Variants in LCP1 observed in about 807,000 individuals in gnomAD.
The protein encoded by LCP1 is plastin-2.
A neutral mutation model predicts 72.0 loss-of-function variants in LCP1; 23 were observed. That is an observed-to-expected ratio of 0.32 (90% CI 0.23 to 0.45). The LOEUF (loss-of-function observed/expected upper bound fraction) is 0.45, where lower values mean the gene tolerates loss of function less well. Ranked by LOEUF, LCP1 falls within the 20% of genes least tolerant of loss-of-function variation. The probability of loss-of-function intolerance (pLI) is 1.00; values close to 1 mark genes in which losing one functional copy is unlikely to be tolerated. For missense variants in LCP1, 571 were observed against 748.3 expected (o/e 0.76, Z 2.76); for synonymous variants, 245 against 275.4 (o/e 0.89, Z 1.09).
intron 10 of LCP1, among the ~76,000 whole-genome samples, chr13:46,145,716 C>T (rs1297549113): frequency 2.5e-5 from 2 of 80,336 alleles, no homozygotes; most frequent in South Asian, 2.3e-4. Context: ...GAGACCATCC[C>T]GGCTAAAATG....
At chr13:46,150,031 C>T (rs17601737) in intron 8 of LCP1, among the ~76,000 whole-genome samples, 53,233 of 152,084 alleles carry the variant, frequency 0.35, 10,601 homozygotes, top group East Asian at 0.58. Context: ...GCCTGACACA[C>T]GCTGAGTTCT....
intron 4 of LCP1, among the ~76,000 whole-genome samples, 174 bp from the exon 5 acceptor site, chr13:46,156,744 T>C (rs1260489193): frequency 1.3e-5 from 2 of 152,178 alleles, no homozygotes; most frequent in East Asian, 3.8e-4. Context: ...ACTTGGGAAA[T>C]AGGCATTGAG....
At chr13:46,131,659 G>T (rs533088346) in intron 14 of LCP1, among the ~76,000 whole-genome samples, 2 of 152,194 alleles carry the variant, frequency 1.3e-5, no homozygotes, top group African/African-American at 4.8e-5. Context: ...ATACACCATG[G>T]AATACTATGC....
chr13:46,153,053 G>A, intron 6 of LCP1, 108 bp from the exon 7 acceptor site: 1 of 1,073,428 alleles, frequency 9.3e-7, no homozygotes, highest in East Asian at 2.6e-5. Context: ...CACAGGTTTA[G>A]AGTCATGGTC....
Position 46,127,497 on chromosome 13 carries a change from A to G in LCP1, c.*94T>C, listed in dbSNP as rs374225724. 2 of 1,500,394 alleles carry G rather than the reference A, an allele frequency of 1.3e-6. No homozygotes were observed. The highest frequency in any genetic ancestry group is 9.1e-7 in the Non-Finnish European group (1 of 1,097,532). 92.9% of individuals were successfully genotyped at this position (1,500,394 alleles called of 1,614,324 possible). A position where few individuals can be genotyped will look rare whatever the true frequency, so the allele number is the denominator to read the frequency against. On this transcript the variant is annotated 3_prime_UTR_variant, in exon 16 of 16. Transcript: ENST00000323076. ...TTTGGAATCTTATAGAGTGTCACCA[A>G]GTTGAACTTTGGAATGGCTTGAATC...
chr13:46,136,719 C>T (rs2045667256), intron 13 of LCP1, among the ~76,000 whole-genome samples: 1 of 152,088 alleles, frequency 6.6e-6, no homozygotes, highest in African/African-American at 2.4e-5. Flanking sequence ...TTTACTGTAA[C>T]ATCTAAGAAT....
chr13:46,126,920 CCA>C lies in LCP1; in HGVS notation c.*669_*670del, dbSNP rs1471759461. The C allele has an allele frequency of 4.3e-6, 1 of 230,628 alleles. No homozygotes were observed. The highest frequency in any genetic ancestry group is 8.6e-6 in the Non-Finnish European group (1 of 116,512). The allele number at this position is 230,628 out of a possible 1,614,324, so 14.3% of individuals were successfully genotyped here. The stretch of plus-strand genomic sequence containing the variant: ...ACAAAACCTGATGACATTTGGGACT[CCA>C]GTTTTGAGGAAAGGCTCTGATGATG... On this transcript the variant is annotated 3_prime_UTR_variant, in exon 16 of 16. Coordinates refer to ENST00000323076, the MANE Select transcript of LCP1 (RefSeq NM_002298.5).
At chr13:46,175,142 C>G (rs977497494) in intron 1 of LCP1, among the ~76,000 whole-genome samples, 7 of 152,196 alleles carry the variant, frequency 4.6e-5, no homozygotes, top group Non-Finnish European at 8.8e-5. Context: ...TTAATAACAA[C>G]TTTACCTAGC....
At chr13:46,136,947 C>G (rs901442963) in intron 13 of LCP1, among the ~76,000 whole-genome samples, 13 of 152,170 alleles carry the variant, frequency 8.5e-5, no homozygotes, top group African/African-American at 2.9e-4. Context: ...TGACCCACCT[C>G]CTAAGCCTGG....
intron 4 of LCP1, among the ~76,000 whole-genome samples, chr13:46,158,168 T>C (rs2045815330): frequency 6.6e-6 from 1 of 152,234 alleles, no homozygotes. Context: ...ACAAATTTAT[T>C]CCAAATCAAT....
At chr13:46,137,224 A>C (rs12184595) in intron 13 of LCP1, among the ~76,000 whole-genome samples, 3,296 of 148,502 alleles carry the variant, frequency 0.022, 126 homozygotes, top group African/African-American at 0.077. Flanking sequence ...AAAAAAAAAA[A>C]CACAAAGAGA....
chr13:46,149,794 A>C (rs2045753079), intron 8 of LCP1, among the ~76,000 whole-genome samples: 1 of 152,220 alleles, frequency 6.6e-6, no homozygotes, highest in Admixed American at 6.5e-5. Flanking sequence ...TTTACAGCTG[A>C]GATCTGACAG....
intron 11 of LCP1, among the ~76,000 whole-genome samples, chr13:46,144,007 A>G (rs1030820725): frequency 1.3e-5 from 2 of 152,104 alleles, no homozygotes; most frequent in Non-Finnish European, 2.9e-5. Flanking sequence ...CAGAGCTTGC[A>G]GTGAGCCGAG....
rs942655045 is a variant in LCP1 at position 46,129,132 on chromosome 13, T to G, written c.1752-1409A>C. Among the ~76,000 whole-genome samples, 3 of 152,196 alleles carry G rather than the reference T, an allele frequency of 2.0e-5. No individual in the cohort carries two copies. The South Asian group carries it at 6.2e-4, about 32-fold the overall frequency. On this transcript the variant is annotated intron_variant, in intron 15 of 15. Coordinates refer to ENST00000323076, the MANE Select transcript of LCP1 (RefSeq NM_002298.5). ...AACGGTCTGAAAATTAAAAGGGAGC[T>G]TCAAACAAAATCACACACAATCTTG...
intron 1 of LCP1, among the ~76,000 whole-genome samples, chr13:46,175,600 G>A (rs1349397443): frequency 6.6e-6 from 1 of 152,038 alleles, no homozygotes; most frequent in Non-Finnish European, 1.5e-5. Flanking sequence ...AAAACTGTGT[G>A]AACATCACCA....
At position 46,156,532 on chromosome 13, in the gene LCP1, C is replaced by A. The variant is rs148636830; in HGVS notation, c.397G>T (p.Ala133Ser). ...KYAFVNWINK[A>S]LENDPDCRHV... ...CGACAATCAGGATCATTTTCCAGGGCTTTGTTTATCCAGTTGACAAAGGCA... is the reference window on the plus strand; with the variant it reads ...CGACAATCAGGATCATTTTCCAGGGATTTGTTTATCCAGTTGACAAAGGCA... Residue 133 changes from alanine to serine, a missense_variant, in exon 5 of 16, where the codon GCC (alanine) becomes TCC (serine). By Grantham distance (99) the Ala-to-Ser change is moderately conservative. Transcript: ENST00000323076. The A allele has an allele frequency of 4.3e-6, 7 of 1,613,996 alleles. No homozygotes were observed. The East Asian group carries it at 1.6e-4, about 36-fold the overall frequency.
rs182444140 is a variant in LCP1 at position 46,127,566 on chromosome 13, G to A, written c.*25C>T. 3.8e-4 allele frequency: 607 copies of A among 1,613,334 alleles called. No individual in the cohort carries two copies. In the African/African-American group the frequency reaches 6.3e-3, roughly 17 times the overall value. On this transcript the variant is annotated 3_prime_UTR_variant, in exon 16 of 16. Transcript: ENST00000323076. ...CCGGGCAGTCAGGAGTGAGTGCACC[G>A]CCTCCCACCCAGCCCCATTGGGCCT...
chr13:46,148,668 A>T, intron 8 of LCP1: 1 of 498,284 alleles, frequency 2.0e-6, no homozygotes, highest in Non-Finnish European at 3.3e-6. Context: ...AATAAAATAG[A>T]CAAGATATAC....
chr13:46,171,262 T>C (rs191029212), intron 1 of LCP1, among the ~76,000 whole-genome samples: 1 of 152,268 alleles, frequency 6.6e-6, no homozygotes, highest in East Asian at 1.9e-4. Flanking sequence ...TAAACTGGAG[T>C]GGCCTCCTGC....
Sources: gnomAD v4.1 joint callset for allele counts (sites outside exome capture counted in the v4.1 genomes callset) on GRCh38, gnomAD v4.1.1 for gene constraint, MANE v1.5 for transcripts, NCBI Gene and HGNC (gene_info 2026-07-23, HGNC 2026-07-21) for gene names.